Variants in PIGR observed in about 807,000 individuals in gnomAD.
The protein encoded by PIGR is hepatocellular carcinoma associated protein TB6.
Under a neutral mutation model 69.5 loss-of-function variants are expected in PIGR, and 22 were observed. The ratio of observed to expected loss-of-function variants is 0.32; its 90% CI spans 0.23 to 0.45. The LOEUF is 0.45. Ranked by LOEUF, PIGR falls within the 20% of genes least tolerant of loss-of-function variation. The pLI is 1.00. For missense variants in PIGR, 885 were observed against 974.0 expected (o/e 0.91, Z 1.22); for synonymous variants, 413 against 407.6 (o/e 1.01, Z -0.16).
In PIGR at chr1:206,937,400, T is replaced by C; in HGVS notation, c.740A>G (p.Glu247Gly). Residue 247 changes from glutamate (E) to glycine (G), a missense_variant, in exon 4 of 11, where the codon GAA becomes GGA. Transcript: ENST00000356495. Reference sequence around the variant, plus strand: ...GAAGGTCACTGAGCCCCTCAGGTCTTCATAAACCAGCTCGGGCTCGGGCTT... The same window carrying C: ...GAAGGTCACTGAGCCCCTCAGGTCTCCATAAACCAGCTCGGGCTCGGGCTT... ...VLKPEPELVYEDLRGSVTFHC... is the reference protein window; with the variant it reads ...VLKPEPELVYGDLRGSVTFHC... The C allele has an allele frequency of 6.2e-7, 1 of 1,614,116 alleles. No individual in the cohort carries two copies. Among genetic ancestry groups the C allele is most frequent in the Admixed American group, 1.7e-5 (1 of 60,022 alleles).
Position 206,935,852 on chromosome 1 carries a change from G to A in PIGR, c.1046-34C>T. On this transcript the variant is annotated intron_variant, in intron 4 of 10. Transcript: ENST00000356495. The surrounding 1 kb of genome is among the most constrained non-coding windows in gnomAD (Gnocchi z 4.4). ...ACAGACAGAGATGGGATGGGAGGAT[G>A]GCCACGCAGGAAGAGCCTTGCGTGG... 1 of 1,518,836 alleles carries A rather than the reference G, an allele frequency of 6.6e-7. No individual in the cohort carries two copies. Among genetic ancestry groups the A allele is most frequent in the Non-Finnish European group, 8.9e-7 (1 of 1,117,494 alleles). The allele number at this position is 1,518,836 out of a possible 1,614,324, so 94.1% of individuals were successfully genotyped here. A position where few individuals can be genotyped will look rare whatever the true frequency, so the allele number is the denominator to read the frequency against.
In PIGR at chr1:206,937,214, C is replaced by T. The variant is rs1320385767; in HGVS notation, c.926G>A (p.Ser309Asn). ...LNPQDKDGSF[S>N]VVITGLRKED... ...CTTCCTCAGGCCTGTGATCACCACA[C>T]TGAATGAGCCATCCTTGTCCTGGGG... The change falls in exon 4 of 11, where the codon AGT becomes AAT. Residue 309 changes from serine to asparagine, a missense_variant. Ser to Asn is a conservative substitution (Grantham distance 46). Coordinates refer to ENST00000356495, the MANE Select transcript of PIGR (RefSeq NM_002644.4). The T allele has an allele frequency of 1.2e-6, 2 of 1,614,220 alleles. No homozygotes were observed. The highest frequency in any genetic ancestry group is 1.7e-6 in the Non-Finnish European group (2 of 1,180,024).
intron 4 of PIGR, among the ~76,000 whole-genome samples, chr1:206,936,501 G>A (rs748844): frequency 0.35 from 53,505 of 152,026 alleles, 10,135 homozygotes; most frequent in Middle Eastern, 0.51. Context: ...TGCTTCTCAC[G>A]AGGGCAACTC....
At chr1:206,932,333 C>T in intron 8 of PIGR, 123 bp downstream of exon 8, 1 of 1,190,508 alleles carries the variant, frequency 8.4e-7, no homozygotes, top group Non-Finnish European at 1.2e-6. Flanking sequence ...ATCCTGCTTT[C>T]TCGGGATCCT....
chr1:206,931,384 C>T, intron 10 of PIGR, 113 bp downstream of exon 10: 1 of 1,605,038 alleles, frequency 6.2e-7, no homozygotes, highest in South Asian at 1.1e-5. Context: ...TTATATCATC[C>T]TCCCTATTCT....
rs556136413 is a variant in PIGR at position 206,939,715 on chromosome 1, G to A, written c.44-252C>T. Among the ~76,000 whole-genome samples, 6 of 152,252 alleles carry A rather than the reference G, an allele frequency of 3.9e-5. No homozygotes were observed. In the South Asian group the frequency reaches 1.2e-3, roughly 32 times the overall value. On this transcript the variant is annotated intron_variant, in intron 2 of 10. Coordinates refer to ENST00000356495, the MANE Select transcript of PIGR (RefSeq NM_002644.4). ...GAATGACAAATTTATGATAACCCTTGTTTTTTATTTTATATATTTTTATTG... is the reference window on the plus strand; with the variant it reads ...GAATGACAAATTTATGATAACCCTTATTTTTTATTTTATATATTTTTATTG...
At chr1:206,931,605 A>G (rs374859381) in intron 9 of PIGR, 50 bp from the exon 10 acceptor site, 68 of 1,613,250 alleles carry the variant, frequency 4.2e-5, no homozygotes, top group Non-Finnish European at 5.4e-5. Flanking sequence ...CCTTTTCCCA[A>G]CCCAGATGTG....
chr1:206,935,778 C>A lies in PIGR; in HGVS notation c.1086G>T (p.Val362=). Reference sequence around the variant, plus strand: ...AGAGCACGGCCACAGAGCCTCCTGCCACCCCCTTCACCACAGTGGGGCTGC... The same window carrying A: ...AGAGCACGGCCACAGAGCCTCCTGCAACCCCCTTCACCACAGTGGGGCTGC... ...IPRSPTVVKG[V]AGGSVAVLCP... The change falls in exon 5 of 11, where the codon GTG becomes GTT. Residue 362 remains valine, a synonymous_variant. Coordinates refer to ENST00000356495, the MANE Select transcript of PIGR (RefSeq NM_002644.4). This position sits in a 1 kb window ranked among gnomAD's most constrained non-coding sequence, Gnocchi z 4.4. 6.2e-7 allele frequency: 1 copy of A among 1,611,376 alleles called. No homozygotes were observed. The highest frequency in any genetic ancestry group is 1.1e-5 in the South Asian group (1 of 90,946).
chr1:206,930,282 A>T lies in PIGR; in HGVS notation c.*36T>A. 2 of 1,563,138 alleles carry T rather than the reference A, an allele frequency of 1.3e-6. No homozygotes were observed. Among genetic ancestry groups the T allele is most frequent in the South Asian group, 2.3e-5 (2 of 85,802 alleles). ...CAGGATCGACATGATTCTGAAGGTG[A>T]TTGTCATGGGTGCAGGGAGCAGGCG... On this transcript the variant is annotated 3_prime_UTR_variant, in exon 11 of 11. Transcript: ENST00000356495. This position sits in a 1 kb window ranked among gnomAD's most constrained non-coding sequence, Gnocchi z 4.3.
At chr1:206,944,606 T>C (rs907994672) in intron 1 of PIGR, among the ~76,000 whole-genome samples, 1 of 152,226 alleles carries the variant, frequency 6.6e-6, no homozygotes, top group African/African-American at 2.4e-5. Context: ...TACATAACCA[T>C]GGGTATAACC....
chr1:206,933,313 A>G, intron 6 of PIGR, 147 bp from the exon 7 acceptor site: 1 of 709,356 alleles, frequency 1.4e-6, no homozygotes, highest in South Asian at 1.9e-5. Flanking sequence ...GGATGACATT[A>G]GAAACAGCTG....
chr1:206,932,625 G>A (rs775684532), intron 7 of PIGR, 48 bp from the exon 8 acceptor site: 3 of 1,559,314 alleles, frequency 1.9e-6, no homozygotes, highest in Non-Finnish European at 2.6e-6. Context: ...AGATCTGGGG[G>A]CCCGACGATG....
In PIGR at chr1:206,935,760, G is replaced by A. The variant is rs758129098; in HGVS notation, c.1104C>T (p.Ala368=). Reference sequence around the variant, plus strand: ...CCTTACGGTTGTAGGGGCAGAGCACGGCCACAGAGCCTCCTGCCACCCCCT... The same window carrying A: ...CCTTACGGTTGTAGGGGCAGAGCACAGCCACAGAGCCTCCTGCCACCCCCT... ...VVKGVAGGSV[A]VLCPYNRKES... The change falls in exon 5 of 11, where the codon GCC becomes GCT. Residue 368 remains alanine (A), a synonymous_variant. Coordinates refer to ENST00000356495, the MANE Select transcript of PIGR (RefSeq NM_002644.4). The surrounding 1 kb of genome is among the most constrained non-coding windows in gnomAD (Gnocchi z 4.4). 1.7e-5 allele frequency: 27 copies of A among 1,613,426 alleles called. 1 individual carries two copies. The highest frequency in any genetic ancestry group is 1.6e-4 in the Middle Eastern group (1 of 6,080).
chr1:206,940,620 C>T lies in PIGR; in HGVS notation c.-53-36G>A. Reference sequence around the variant, plus strand: ...ATAATCACAAGGAGATGAAGCGCCCCTTGTCTTCCAAGACTAGTTGACCTT... The same window carrying T: ...ATAATCACAAGGAGATGAAGCGCCCTTTGTCTTCCAAGACTAGTTGACCTT... On this transcript the variant is annotated intron_variant, in intron 1 of 10. Transcript: ENST00000356495. 2.3e-6 allele frequency: 3 copies of T among 1,322,508 alleles called. 1 individual carries two copies. The highest frequency in any genetic ancestry group is 2.7e-5 in the East Asian group (1 of 37,544). 81.9% of individuals were successfully genotyped at this position (1,322,508 alleles called of 1,614,324 possible).
Position 206,939,454 on chromosome 1 carries a change from G to C in PIGR, c.53C>G (p.Thr18Arg), listed in dbSNP as rs201367607. The change falls in exon 3 of 11, where the codon ACG becomes AGG. Residue 18 changes from threonine (T) to arginine (R), a missense_variant. By Grantham distance (71) the Thr-to-Arg change is moderately conservative. Transcript: ENST00000356495. Reference sequence around the variant, plus strand: ...CTCGGGACCAAATATGGGACTCTTCGTGGAGATGGCTGTGGGAACAGAAGA... The same window carrying C: ...CTCGGGACCAAATATGGGACTCTTCCTGGAGATGGCTGTGGGAACAGAAGA... The part of the protein sequence containing the change: ...CLLAVFPAIS[T>R]KSPIFGPEEV... The C allele has an allele frequency of 1.9e-6, 3 of 1,596,204 alleles. No individual in the cohort carries two copies. Among genetic ancestry groups the C allele is most frequent in the Non-Finnish European group, 2.6e-6 (3 of 1,166,674 alleles).
Position 206,934,413 on chromosome 1 carries a change from G to T in PIGR, c.1705+7C>A. On this transcript the variant is annotated splice_region_variant and intron_variant, in intron 6 of 10. Transcript: ENST00000356495. ...GAGGGGTGCAGGCCCTGTCCTTGGAGACTCACCCGCTGCCTTCCTCTCTTC... is the reference window on the plus strand; with the variant it reads ...GAGGGGTGCAGGCCCTGTCCTTGGATACTCACCCGCTGCCTTCCTCTCTTC... 6.2e-7 allele frequency: 1 copy of T among 1,610,728 alleles called. No homozygotes were observed. Among genetic ancestry groups the T allele is most frequent in the South Asian group, 1.1e-5 (1 of 90,776 alleles).
At chr1:206,937,780 G>C in intron 3 of PIGR, 29 bp from the exon 4 acceptor site, 1 of 1,602,496 alleles carries the variant, frequency 6.2e-7, no homozygotes, top group East Asian at 2.2e-5. Flanking sequence ...AAGGTAGGGG[G>C]CAGGCAAGTT....
intron 1 of PIGR, among the ~76,000 whole-genome samples, chr1:206,945,332 GGCAATT>G (rs1680082909): frequency 6.6e-6 from 1 of 152,214 alleles, no homozygotes; most frequent in Non-Finnish European, 1.5e-5. Flanking sequence ...CAGGCACTGT[GGCAATT>G]GCACAAAGGG....
Position 206,935,935 on chromosome 1 carries a change from T to C in PIGR, c.1046-117A>G, listed in dbSNP as rs1034086909. On this transcript the variant is annotated intron_variant, in intron 4 of 10. Coordinates refer to ENST00000356495, the MANE Select transcript of PIGR (RefSeq NM_002644.4). The surrounding 1 kb of genome is among the most constrained non-coding windows in gnomAD (Gnocchi z 4.4). ...GGATGGGGAGTGAAGTTTACACGCATCACCTTACCCTCTTCAGAAAATGAA... is the reference window on the plus strand; with the variant it reads ...GGATGGGGAGTGAAGTTTACACGCACCACCTTACCCTCTTCAGAAAATGAA... 2.7e-5 allele frequency: 19 copies of C among 694,868 alleles called. No individual in the cohort carries two copies. In the African/African-American group the frequency reaches 3.0e-4, roughly 11 times the overall value. The allele number at this position is 694,868 out of a possible 1,614,324, so 43.0% of individuals were successfully genotyped here.
Sources: gnomAD v4.1 joint callset for allele counts (sites outside exome capture counted in the v4.1 genomes callset) on GRCh38, gnomAD v4.1.1 for gene constraint, Gnocchi (gnomAD v3.1) non-coding constraint, MANE v1.5 for transcripts, NCBI Gene and HGNC (gene_info 2026-07-23, HGNC 2026-07-21) for gene names.